The following DOK6 variants were observed in gnomAD, a reference collection of about 807,000 sequenced individuals.
DOK6 encodes the protein downstream of tyrosine kinase 6.
In DOK6, 22 loss-of-function variants were observed where a neutral mutation model predicts 44.0. The observed-to-expected ratio is 0.50, with a 90% CI of 0.36 to 0.71. The LOEUF (loss-of-function observed/expected upper bound fraction) is 0.71, where lower values mean the gene tolerates loss of function less well. Among genes scored for constraint, DOK6 ranks in the 30% least tolerant of loss-of-function variants. The probability of loss-of-function intolerance (pLI) is 0.00; values close to 1 mark genes in which losing one functional copy is unlikely to be tolerated. For missense variants in DOK6, 340 were observed against 416.4 expected (o/e 0.82, Z 1.60); for synonymous variants, 166 against 145.5 (o/e 1.14, Z -1.01).
intron 6 of DOK6, 80 bp downstream of exon 6, chr18:69,739,183 C>T: frequency 6.4e-7 from 1 of 1,561,400 alleles, no homozygotes; most frequent in Non-Finnish European, 8.7e-7. Flanking sequence ...ATGTGTGGGG[C>T]CATTCATGTC....
At chr18:69,507,716 T>C (rs1233427923) in intron 1 of DOK6, among the ~76,000 whole-genome samples, 1 of 152,088 alleles carries the variant, frequency 6.6e-6, no homozygotes, top group Non-Finnish European at 1.5e-5. Context: ...AGTTGCTTTT[T>C]TTAACCCTTG....
In DOK6 at chr18:69,844,870, T is replaced by C. The variant is rs557602685; in HGVS notation, c.*3487T>C. 1.2e-4 allele frequency: 19 copies of C among 152,352 alleles called. No homozygotes were observed. Among genetic ancestry groups the C allele is most frequent in the African/African-American group, 4.1e-4 (17 of 41,586 alleles). 9.4% of individuals were successfully genotyped at this position (152,352 alleles called of 1,614,324 possible). On this transcript the variant is annotated 3_prime_UTR_variant, in exon 8 of 8. Coordinates refer to ENST00000382713, the MANE Select transcript of DOK6 (RefSeq NM_152721.6). ...CTTGCGTAATTCTTCTCTGTCTTCA[T>C]TGGGAAATTATGTTTGAAAATCTTT...
chr18:69,708,352 T>C (rs1296524348), intron 5 of DOK6, among the ~76,000 whole-genome samples: 1 of 152,228 alleles, frequency 6.6e-6, no homozygotes, highest in Admixed American at 6.5e-5. Context: ...ACTCCGCTTC[T>C]GCATGAGCCA....
Position 69,457,229 on chromosome 18 carries a change from A to G in DOK6, c.66+55919A>G, listed in dbSNP as rs1057382344. On this transcript the variant is annotated intron_variant, in intron 1 of 7. Coordinates refer to ENST00000382713, the MANE Select transcript of DOK6 (RefSeq NM_152721.6). ...TAGCCAAAAATTCTTTGCCAAGACC[A>G]ACATTAAGAAGGCTATTTGCTAGGT... Among the ~76,000 whole-genome samples the G allele has an allele frequency of 2.0e-5, 3 of 152,136 alleles. No individual in the cohort carries two copies. The South Asian group carries it at 6.2e-4, about 32-fold the overall frequency.
At chr18:69,513,468 G>C (rs932282869) in intron 1 of DOK6, among the ~76,000 whole-genome samples, 1 of 152,178 alleles carries the variant, frequency 6.6e-6, no homozygotes, top group African/African-American at 2.4e-5. Flanking sequence ...AGTCACTCCA[G>C]ATAATGAGGA....
chr18:69,587,399 C>T (rs977824208), intron 2 of DOK6, among the ~76,000 whole-genome samples: 3 of 152,106 alleles, frequency 2.0e-5, no homozygotes, highest in Admixed American at 2.0e-4. Flanking sequence ...TCTCAAATCT[C>T]CCTCTCCTCG....
At chr18:69,687,705 C>T (rs1986182999) in intron 4 of DOK6, among the ~76,000 whole-genome samples, 1 of 151,998 alleles carries the variant, frequency 6.6e-6, no homozygotes, top group Non-Finnish European at 1.5e-5. Context: ...AAACCTAGGA[C>T]TAAAATGAGA....
chr18:69,497,784 G>A (rs890072230), intron 1 of DOK6, among the ~76,000 whole-genome samples: 1 of 152,120 alleles, frequency 6.6e-6, no homozygotes, highest in Admixed American at 6.6e-5. Flanking sequence ...ATATAAAACA[G>A]TGTTAAAATT....
rs76600336 is a variant in DOK6, at chr18:69,445,771, A to C, written c.66+44461A>C. On this transcript the variant is annotated intron_variant, in intron 1 of 7. Transcript: ENST00000382713. ...CATAGTGGCTCATGTCTATAATCCC[A>C]GTGCTTTGAGAGGCTGACACGGGAG... Among the ~76,000 whole-genome samples the C allele has an allele frequency of 6.1e-3, 934 of 152,236 alleles. 11 individuals carry two copies. The highest frequency in any genetic ancestry group is 0.021 in the African/African-American group (893 of 41,560).
At chr18:69,537,716 T>C (rs1192559743) in intron 1 of DOK6, among the ~76,000 whole-genome samples, 1 of 152,200 alleles carries the variant, frequency 6.6e-6, no homozygotes, top group Non-Finnish European at 1.5e-5. Context: ...AGGAATCATT[T>C]ATGATCTTTG....
At chr18:69,545,571 C>T (rs1459565490) in intron 1 of DOK6, among the ~76,000 whole-genome samples, 1 of 147,932 alleles carries the variant, frequency 6.8e-6, no homozygotes, top group Admixed American at 6.7e-5. Context: ...AAAATTGCCA[C>T]TACTTAGAAT....
chr18:69,508,911 C>A (rs76671211), intron 1 of DOK6, among the ~76,000 whole-genome samples: 1,851 of 152,220 alleles, frequency 0.012, 38 homozygotes, highest in African/African-American at 0.041. Flanking sequence ...GGAAAAGGAA[C>A]CACTTTTGCT....
At chr18:69,482,094 T>C (rs1012541203) in intron 1 of DOK6, among the ~76,000 whole-genome samples, 7 of 152,234 alleles carry the variant, frequency 4.6e-5, no homozygotes, top group African/African-American at 1.7e-4. Context: ...TGTAAATTTG[T>C]TTGAGTTCAT....
At chr18:69,425,443 C>G (rs1978610519) in intron 1 of DOK6, among the ~76,000 whole-genome samples, 1 of 151,782 alleles carries the variant, frequency 6.6e-6, no homozygotes, top group Non-Finnish European at 1.5e-5. Context: ...CCTTAATATA[C>G]CCTTTTTCCC....
At chr18:69,641,883 C>T (rs1181788210) in intron 3 of DOK6, among the ~76,000 whole-genome samples, 2 of 152,338 alleles carry the variant, frequency 1.3e-5, no homozygotes, top group Non-Finnish European at 2.9e-5. Flanking sequence ...TGTGAAACTG[C>T]ATGTTCTTTC....
At chr18:69,694,025 C>G (rs1045463376) in intron 4 of DOK6, among the ~76,000 whole-genome samples, 2 of 137,366 alleles carry the variant, frequency 1.5e-5, no homozygotes, top group East Asian at 2.3e-4. Context: ...CGCCACCGCA[C>G]TCCAGCCTGG....
intron 1 of DOK6, among the ~76,000 whole-genome samples, chr18:69,414,580 A>G (rs1405605482): frequency 6.6e-6 from 1 of 152,026 alleles, no homozygotes; most frequent in Non-Finnish European, 1.5e-5. Context: ...GAAAGAGGGT[A>G]TGGGGTTTGT....
chr18:69,446,525 A>T (rs896498374), intron 1 of DOK6, among the ~76,000 whole-genome samples: 2 of 152,090 alleles, frequency 1.3e-5, no homozygotes, highest in African/African-American at 4.8e-5. Flanking sequence ...ATACATGTAC[A>T]TGTGTCTTTA....
intron 4 of DOK6, among the ~76,000 whole-genome samples, chr18:69,697,735 T>C (rs12607601): frequency 0.3 from 45,652 of 152,102 alleles, 8,420 homozygotes; most frequent in East Asian, 0.72. Flanking sequence ...TTTGGAATCA[T>C]TGCCTAATAA....
Sources: allele counts gnomAD v4.1 joint callset (sites outside exome capture counted in the v4.1 genomes callset), GRCh38; gene constraint gnomAD v4.1.1; transcripts MANE v1.5; gene names NCBI Gene and HGNC (gene_info 2026-07-23, HGNC 2026-07-21).